The following AMBN variants were observed in gnomAD, a reference collection of about 807,000 sequenced individuals.
AMBN encodes ameloblastin.
A neutral mutation model predicts 48.0 loss-of-function variants in AMBN; 54 were observed. The observed-to-expected ratio is 1.12, with a 90% CI of 0.90 to 1.41. AMBN has a LOEUF of 1.41. AMBN is among the 40% of genes most tolerant of loss of function. AMBN has a pLI of 0.00. For missense variants in AMBN, 571 were observed against 547.3 expected, an observed-to-expected ratio of 1.04 and a Z score of -0.43; for synonymous variants, 186 against 190.0, an observed-to-expected ratio of 0.98 and a Z score of 0.17.
Position 70,606,791 on chromosome 4 carries a change from G to T in AMBN, c.*61G>T. Reference sequence around the variant, plus strand: ...AGCTTCCCAGCTTTGTCCCCACAGTGTACCTTTTTGCTAAAACACTTATTA... The same window carrying T: ...AGCTTCCCAGCTTTGTCCCCACAGTTTACCTTTTTGCTAAAACACTTATTA... On this transcript the variant is annotated 3_prime_UTR_variant, in exon 13 of 13. Coordinates refer to ENST00000322937, the MANE Select transcript of AMBN (RefSeq NM_016519.6). The T allele has an allele frequency of 6.6e-7, 1 of 1,525,514 alleles. No individual in the cohort carries two copies. Among genetic ancestry groups the T allele is most frequent in the Non-Finnish European group, 8.8e-7 (1 of 1,133,106 alleles). 94.5% of individuals were successfully genotyped at this position (1,525,514 alleles called of 1,614,324 possible). A position where few individuals can be genotyped will look rare whatever the true frequency, so the allele number is the denominator to read the frequency against.
rs1305642769 is a variant in AMBN at position 70,603,901 on chromosome 4, A to G, written c.778A>G (p.Met260Val). ...GAATGCCCCTGCCAGACTTGGCATC[A>G]TGAGTTCAGAAGAAGTGGCAGTGAG... ...QLNAPARLGI[M>V]SSEEVAGGRE... Residue 260 changes from methionine to valine, a missense_variant, in exon 12 of 13, where the codon ATG (methionine) becomes GTG (valine). Coordinates refer to ENST00000322937, the MANE Select transcript of AMBN (RefSeq NM_016519.6). 8.1e-6 allele frequency: 13 copies of G among 1,614,062 alleles called. No homozygotes were observed. Among genetic ancestry groups the G allele is most frequent in the Non-Finnish European group, 1.1e-5 (13 of 1,179,952 alleles).
intron 1 of AMBN, 128 bp from the exon 2 acceptor site, chr4:70,593,199 G>A: frequency 1.6e-6 from 1 of 627,166 alleles, no homozygotes; most frequent in Non-Finnish European, 2.7e-6. Flanking sequence ...TTTTGTTTTT[G>A]TTCTTCTAAC....
rs79122304 is a variant in AMBN, at chr4:70,603,855, C to T, written c.754-22C>T. 3.7e-3 allele frequency: 5,960 copies of T among 1,613,502 alleles called. 177 individuals carry two copies. In the African/African-American group the frequency reaches 0.07, roughly 19 times the overall value. Reference sequence around the variant, plus strand: ...AGAAGGTAGCTGGTTCGTAATTTGACGCAATATTTCTTTTTGAACAGAATG... The same window carrying T: ...AGAAGGTAGCTGGTTCGTAATTTGATGCAATATTTCTTTTTGAACAGAATG... On this transcript the variant is annotated intron_variant, in intron 11 of 12. Coordinates refer to ENST00000322937, the MANE Select transcript of AMBN (RefSeq NM_016519.6).
rs1006302222 is a variant in AMBN, at chr4:70,606,988, C to T, written c.*258C>T. 3.2e-5 allele frequency: 13 copies of T among 410,100 alleles called. No homozygotes were observed. The highest frequency in any genetic ancestry group is 4.0e-5 in the Admixed American group (1 of 25,152). The allele number at this position is 410,100 out of a possible 1,614,324, so 25.4% of individuals were successfully genotyped here. A position where few individuals can be genotyped will look rare whatever the true frequency, so the allele number is the denominator to read the frequency against. ...AACATCAGAGCAAGGTTCTAAGGGT[C>T]TCAGCATTTGATCATCACTTTTTCT... On this transcript the variant is annotated 3_prime_UTR_variant, in exon 13 of 13. Transcript: ENST00000322937.
intron 4 of AMBN, 97 bp from the exon 5 acceptor site, chr4:70,599,439 C>CA (rs370473140): frequency 0.075 from 53,056 of 702,898 alleles, no homozygotes; most frequent in South Asian, 0.09. Flanking sequence ...GATTCCATCT[C>CA]AAAAAAAAAA....
intron 12 of AMBN, among the ~76,000 whole-genome samples, chr4:70,604,389 G>A (rs1388996307): frequency 6.6e-6 from 1 of 152,148 alleles, no homozygotes; most frequent in African/African-American, 2.4e-5. Context: ...AAATGTCAAT[G>A]TGCATTGTCA....
At chr4:70,599,732 A>G (rs1013991336) in intron 5 of AMBN, 86 bp downstream of exon 5, 18 of 978,140 alleles carry the variant, frequency 1.8e-5, no homozygotes, top group Non-Finnish European at 2.7e-5. Flanking sequence ...TATATTAGAA[A>G]CAGCCAAGTC....
intron 6 of AMBN, among the ~76,000 whole-genome samples, chr4:70,602,272 A>G (rs1271841193): frequency 6.6e-6 from 1 of 152,194 alleles, no homozygotes; most frequent in African/African-American, 2.4e-5. Context: ...GCCCAGGAGT[A>G]CACAAAAATT....
rs148068857 is a variant in AMBN, at chr4:70,601,800, A to T, written c.531+146A>T. The stretch of plus-strand genomic sequence containing the variant: ...TCTTAATCAGTCTTCCACATCTGAG[A>T]TTTATTTTTTGAGTAAAACGTAAAT... On this transcript the variant is annotated intron_variant, in intron 6 of 12. Coordinates refer to ENST00000322937, the MANE Select transcript of AMBN (RefSeq NM_016519.6). The T allele has an allele frequency of 2.5e-5, 20 of 811,960 alleles. No individual in the cohort carries two copies. In the East Asian group the frequency reaches 5.2e-4, roughly 21 times the overall value. The allele number at this position is 811,960 out of a possible 1,614,324, so 50.3% of individuals were successfully genotyped here.
intron 6 of AMBN, 140 bp downstream of exon 6, chr4:70,601,794 T>C (rs1328298338): frequency 3.7e-6 from 3 of 817,464 alleles, no homozygotes; most frequent in Non-Finnish European, 6.0e-6. Flanking sequence ...GTCTTCCACA[T>C]CTGAGATTTA....
intron 11 of AMBN, among the ~76,000 whole-genome samples, 171 bp downstream of exon 11, chr4:70,603,631 GAC>G (rs142764944): frequency 0.039 from 5,891 of 149,574 alleles, 114 homozygotes; most frequent in Non-Finnish European, 0.048. Flanking sequence ...ATCTTGGCCA[GAC>G]ACACACACAC....
chr4:70,598,593 T>C (rs891867273), intron 4 of AMBN, among the ~76,000 whole-genome samples, 190 bp downstream of exon 4: 1 of 152,172 alleles, frequency 6.6e-6, no homozygotes, highest in Non-Finnish European at 1.5e-5. Context: ...TTGAATTTTA[T>C]TGAGTTAAGA....
At chr4:70,604,796 C>A (rs1042640217) in intron 12 of AMBN, among the ~76,000 whole-genome samples, 1 of 152,042 alleles carries the variant, frequency 6.6e-6, no homozygotes, top group Non-Finnish European at 1.5e-5. Flanking sequence ...AGTTTGAGAC[C>A]AGCCTGGCCA....
intron 11 of AMBN, 42 bp downstream of exon 11, chr4:70,603,502 T>C (rs773323545): frequency 6.4e-7 from 1 of 1,574,786 alleles, no homozygotes; most frequent in Non-Finnish European, 8.6e-7. Context: ...TTAATTAAAT[T>C]TTATCTTAAG....
intron 1 of AMBN, among the ~76,000 whole-genome samples, 198 bp downstream of exon 1, chr4:70,592,571 T>C (rs536508087): frequency 5.7e-4 from 76 of 134,214 alleles, no homozygotes; most frequent in Middle Eastern, 4.5e-3. Context: ...CTTTTATTTA[T>C]AGATTGTGTT....
rs751608780 is a variant in AMBN, at chr4:70,598,413, T to C, written c.183+10T>C. The C allele has an allele frequency of 6.3e-7, 1 of 1,582,752 alleles. No individual in the cohort carries two copies. The highest frequency in any genetic ancestry group is 1.8e-5 in the Admixed American group (1 of 56,208). On this transcript the variant is annotated intron_variant, in intron 4 of 12. Transcript: ENST00000322937. ...AAACACACTTTCTCAGGTAATCATA[T>C]TTCTTATTGCAAGTATTCATGGTGG... is the stretch of plus-strand genomic sequence containing the variant.
intron 5 of AMBN, among the ~76,000 whole-genome samples, chr4:70,600,646 A>G (rs181822454): frequency 1.7e-4 from 26 of 152,330 alleles, no homozygotes; most frequent in African/African-American, 6.0e-4. Flanking sequence ...GGAGTTTACA[A>G]TCAATCTACA....
Position 70,601,658 on chromosome 4 carries a change from C to A in AMBN, c.531+4C>A. On this transcript the variant is annotated splice_donor_region_variant and intron_variant, in intron 6 of 12. Transcript: ENST00000322937. Reference sequence around the variant, plus strand: ...AGATAAGCCACCAAAGCCTGAGGTACTTCCTTTCTCTTGAAGTCAGATCAG... The same window carrying A: ...AGATAAGCCACCAAAGCCTGAGGTAATTCCTTTCTCTTGAAGTCAGATCAG... 6.2e-7 allele frequency: 1 copy of A among 1,612,500 alleles called. No individual in the cohort carries two copies. The highest frequency in any genetic ancestry group is 1.1e-5 in the South Asian group (1 of 90,918).
intron 7 of AMBN, 54 bp from the exon 8 acceptor site, chr4:70,602,744 T>G: frequency 1.3e-6 from 2 of 1,485,692 alleles, no homozygotes; most frequent in Non-Finnish European, 1.8e-6. Context: ...TTATTTGTAT[T>G]TAACTACTTT....
Sources: allele counts gnomAD v4.1 joint callset (sites outside exome capture counted in the v4.1 genomes callset), GRCh38; gene constraint gnomAD v4.1.1; transcripts MANE v1.5; gene names NCBI Gene and HGNC (gene_info 2026-07-23, HGNC 2026-07-21).